DACT2: variants seen among roughly 807,000 people sequenced by gnomAD.
DACT2 encodes the protein dapper homolog 2.
Under a neutral mutation model 22.2 loss-of-function variants are expected in DACT2, and 20 were observed. The ratio of observed to expected loss-of-function variants is 0.90; its 90% CI spans 0.63 to 1.31. The LOEUF (loss-of-function observed/expected upper bound fraction) is 1.31. DACT2 is among the 50% of genes most tolerant of loss of function. DACT2 has a pLI of 0.00. For synonymous variants in DACT2, 463 were observed against 479.8 expected, an observed-to-expected ratio of 0.96 and a Z score of 0.46; for missense variants, 1,048 against 1,061.4, an observed-to-expected ratio of 0.99 and a Z score of 0.18.
chr6:168,294,394 C>G (rs1038589207), intron 4 of DACT2, among the ~76,000 whole-genome samples: 1 of 151,870 alleles, frequency 6.6e-6, no homozygotes, highest in Non-Finnish European at 1.5e-5. Flanking sequence ...GTGGGCGGAG[C>G]GTGCACGTGG....
rs1379176719 is a variant in DACT2 at position 168,306,982 on chromosome 6, C to T, written c.*450G>A. The T allele has an allele frequency of 3.4e-5, 34 of 996,924 alleles. No homozygotes were observed. The highest frequency in any genetic ancestry group is 8.9e-5 in the South Asian group (2 of 22,364). 61.8% of individuals were successfully genotyped at this position (996,924 alleles called of 1,614,324 possible). A position where few individuals can be genotyped will look rare whatever the true frequency, so the allele number is the denominator to read the frequency against. On this transcript the variant is annotated 3_prime_UTR_variant, in exon 4 of 4. Coordinates refer to ENST00000366795, the MANE Select transcript of DACT2 (RefSeq NM_214462.5). ...GTGTTTGTGTATGCTGACAGCTTAA[C>T]GTGGAGTTTAAACTCAAATTCAATT...
intron 3 of DACT2, among the ~76,000 whole-genome samples, chr6:168,300,810 C>A (rs1403181900): frequency 6.6e-6 from 1 of 151,954 alleles, no homozygotes; most frequent in Non-Finnish European, 1.5e-5. Context: ...CATGGTGAAA[C>A]CCCGTCTATG....
chr6:168,302,674 C>T (rs35594007), downstream of DACT2, among the ~76,000 whole-genome samples: 47,408 of 152,124 alleles, frequency 0.31, 9,067 homozygotes, highest in Non-Finnish European at 0.42. Context: ...AGCCCCAGTG[C>T]TCAGGAGAGG....
chr6:168,311,400 A>C (rs1321467978), intron 1 of DACT2, 116 bp from the exon 2 acceptor site: 13 of 1,281,330 alleles, frequency 1.0e-5, no homozygotes, highest in Non-Finnish European at 1.3e-5. Flanking sequence ...AGTCCACGCG[A>C]AATACATCTT....
Position 168,309,071 on chromosome 6 carries a change from T to C in DACT2, c.686A>G (p.Asp229Gly), listed in dbSNP as rs1779319772. ...TGDLDRALPA[D>G]TGLQKASADA... Reference sequence around the variant, plus strand: ...CGCGCTGGCTTTCTGGAGCCCCGTGTCCGCCGGCAGGGCTCTGTCAAGATC... The same window carrying C: ...CGCGCTGGCTTTCTGGAGCCCCGTGCCCGCCGGCAGGGCTCTGTCAAGATC... Residue 229 changes from aspartate to glycine, a missense_variant, in exon 4 of 4, where the codon GAC becomes GGC. Transcript: ENST00000366795. 1.3e-6 allele frequency: 2 copies of C among 1,535,006 alleles called. No individual in the cohort carries two copies. The highest frequency in any genetic ancestry group is 1.7e-6 in the Non-Finnish European group (2 of 1,143,336).
intron 1 of DACT2, among the ~76,000 whole-genome samples, chr6:168,315,319 G>A (rs1305270874): frequency 1.3e-5 from 2 of 152,280 alleles, no homozygotes; most frequent in Admixed American, 1.3e-4. Flanking sequence ...AGTGGATGAA[G>A]TCCTTCTATC....
intron 1 of DACT2, 62 bp from the exon 2 acceptor site, chr6:168,311,346 A>C: frequency 2.3e-4 from 336 of 1,460,690 alleles, no homozygotes; most frequent in Non-Finnish European, 2.7e-4. Flanking sequence ...CTTAAGGCTC[A>C]AAGGGGTGAA....
chr6:168,311,430 C>T, intron 1 of DACT2, 146 bp from the exon 2 acceptor site: 1 of 1,114,104 alleles, frequency 9.0e-7, no homozygotes, highest in Non-Finnish European at 1.2e-6. Context: ...GCAGCTGCCC[C>T]TGCTCACTCT....
chr6:168,310,504 CT>C, intron 2 of DACT2, 58 bp from the exon 3 acceptor site: 1 of 1,520,916 alleles, frequency 6.6e-7, no homozygotes, highest in Non-Finnish European at 8.8e-7. Context: ...CCAGGGCCCC[CT>C]CTCCTCCTGA....
chr6:168,302,301 AAATGC>A (rs2114897404), downstream of DACT2, among the ~76,000 whole-genome samples: 1 of 152,256 alleles, frequency 6.6e-6, no homozygotes, highest in African/African-American at 2.4e-5. Flanking sequence ...CTGGGCCCCC[AAATGC>A]AATGCTGTCC....
chr6:168,294,655 G>C (rs1778978852), exon 4 of DACT2: 1 of 1,482,800 alleles, frequency 6.7e-7, no homozygotes, highest in Non-Finnish European at 8.9e-7. Flanking sequence ...TGGAGGTGCA[G>C]CCTGCAGGCG....
At chr6:168,294,617 G>T (rs1228292308) in intron 4 of DACT2, 6 of 1,271,552 alleles carry the variant, frequency 4.7e-6, no homozygotes, top group East Asian at 5.9e-5. Context: ...ATATAAAGAA[G>T]AACATCCTTC....
In DACT2 at chr6:168,309,386, G is replaced by A. The variant is rs1433820081; in HGVS notation, c.659-288C>T. On this transcript the variant is annotated intron_variant, in intron 3 of 3. Coordinates refer to ENST00000366795, the MANE Select transcript of DACT2 (RefSeq NM_214462.5). ...GCATTTAGACACAGGCGTGGGGCCC[G>A]TCTGCATCTAGACACCGCACAGGGC... Among the ~76,000 whole-genome samples, 9 of 60,960 alleles carry A rather than the reference G, an allele frequency of 1.5e-4. No individual in the cohort carries two copies. In the East Asian group the frequency reaches 0.016, roughly 106 times the overall value. The allele number at this position is 60,960 out of a possible 152,430, so 40.0% of individuals were successfully genotyped here.
chr6:168,294,577 G>GTGTGTATATATA (rs1177617130), intron 4 of DACT2: 89 of 124,420 alleles, frequency 7.2e-4, no homozygotes, highest in African/African-American at 1.2e-3. Context: ...GTGTGTGTGT[G>GTGTGTATATATA]TATATATATA....
At chr6:168,313,437 C>T (rs1006115352) in intron 1 of DACT2, among the ~76,000 whole-genome samples, 1 of 152,198 alleles carries the variant, frequency 6.6e-6, no homozygotes, top group Non-Finnish European at 1.5e-5. Flanking sequence ...CCCAGCTTCA[C>T]GTAAACATAC....
At position 168,307,370 on chromosome 6, in the gene DACT2, A is replaced by T; in HGVS notation, c.*62T>A. 6.5e-7 allele frequency: 1 copy of T among 1,537,368 alleles called. No individual in the cohort carries two copies. Among genetic ancestry groups the T allele is most frequent in the Non-Finnish European group, 8.8e-7 (1 of 1,141,558 alleles). On this transcript the variant is annotated 3_prime_UTR_variant, in exon 4 of 4. Transcript: ENST00000366795. The surrounding 1 kb of genome is among the most constrained non-coding windows in gnomAD (Gnocchi z 5.3). ...ACGACACTGAAACCCAGACATGCACAGGACACTGCATGGAAAGGGCCCCTG... is the reference window on the plus strand; with the variant it reads ...ACGACACTGAAACCCAGACATGCACTGGACACTGCATGGAAAGGGCCCCTG...
intron 3 of DACT2, chr6:168,300,008 G>A (rs1017001230): frequency 6.6e-6 from 1 of 152,286 alleles, no homozygotes; most frequent in South Asian, 2.1e-4. Flanking sequence ...AGGGCCAGGG[G>A]ACACCATGCA....
chr6:168,295,154 C>A (rs1049410177), intron 3 of DACT2, among the ~76,000 whole-genome samples: 1 of 152,204 alleles, frequency 6.6e-6, no homozygotes, highest in Non-Finnish European at 1.5e-5. Flanking sequence ...AAGGCCCTCA[C>A]CCCGACAGGA....
At chr6:168,302,559 A>C (rs979990456), downstream of DACT2, among the ~76,000 whole-genome samples, 5 of 152,242 alleles carry the variant, frequency 3.3e-5, no homozygotes, top group African/African-American at 4.8e-5. Context: ...ACCAGCAAAC[A>C]TTTCAACTAT....
Sources: allele counts gnomAD v4.1 joint callset (sites outside exome capture counted in the v4.1 genomes callset), GRCh38; gene constraint gnomAD v4.1.1; non-coding constraint Gnocchi (gnomAD v3.1); transcripts MANE v1.5; gene names NCBI Gene and HGNC (gene_info 2026-07-23, HGNC 2026-07-21).